The following TNR variants were observed in gnomAD, a reference collection of about 807,000 sequenced individuals.
The protein encoded by TNR is tenascin-R.
In TNR, 45 loss-of-function variants were observed where a neutral mutation model predicts 150.4. That is an observed-to-expected ratio of 0.30 (90% confidence interval 0.24 to 0.38). The LOEUF (loss-of-function observed/expected upper bound fraction) is 0.38. Among genes scored for constraint, TNR ranks in the 10% least tolerant of loss-of-function variants. TNR has a pLI of 1.00. For missense variants in TNR, 1,544 were observed against 1,759.1 expected, an observed-to-expected ratio of 0.88 and a Z score of 2.19; for synonymous variants, 687 against 678.4, an observed-to-expected ratio of 1.01 and a Z score of -0.20.
intron 1 of TNR, among the ~76,000 whole-genome samples, chr1:175,595,800 G>T (rs1433241039): frequency 6.6e-6 from 1 of 152,042 alleles, no homozygotes; most frequent in Non-Finnish European, 1.5e-5. Context: ...TAACAAATAG[G>T]GTTTAATGAA....
intron 1 of TNR, among the ~76,000 whole-genome samples, chr1:175,582,307 T>C (rs1466196075): frequency 6.6e-6 from 1 of 152,230 alleles, no homozygotes; most frequent in East Asian, 1.9e-4. Context: ...GGACTCACTG[T>C]AGTTATTGCT....
At chr1:175,440,818 T>C (rs1418797317) in intron 2 of TNR, among the ~76,000 whole-genome samples, 3 of 152,160 alleles carry the variant, frequency 2.0e-5, no homozygotes, top group African/African-American at 4.8e-5. Context: ...AAGTCATAAA[T>C]GATTTAAGAA....
At chr1:175,366,246 G>T in intron 10 of TNR, 108 bp from the exon 11 acceptor site, 2 of 1,191,782 alleles carry the variant, frequency 1.7e-6, no homozygotes, top group South Asian at 1.8e-5. Context: ...CTGACTATGA[G>T]CACTAGCTTG....
intron 15 of TNR, among the ~76,000 whole-genome samples, chr1:175,359,357 G>C (rs760781149): frequency 2.0e-5 from 3 of 151,750 alleles, no homozygotes; most frequent in Non-Finnish European, 4.4e-5. Context: ...TGTAGGCCAG[G>C]CTGGTCTTGA....
Position 175,438,056 on chromosome 1 carries a change from C to G in TNR, c.-63-31279G>C, listed in dbSNP as rs1380534592. On this transcript the variant is annotated intron_variant, in intron 2 of 22. Transcript: ENST00000367674. ...GGCCAGCATAATCCAGATACCAAAG[C>G]CTGGCAGAGACACAATAAAAAAAGA... Among the ~76,000 whole-genome samples the G allele has an allele frequency of 3.9e-5, 6 of 152,254 alleles. 1 individual carries two copies. The East Asian group carries it at 5.8e-4, about 15-fold the overall frequency.
rs536167772 is a variant in TNR, at chr1:175,680,305, G to A, written c.-165+62921C>T. Among the ~76,000 whole-genome samples the A allele has an allele frequency of 7.2e-5, 11 of 152,272 alleles. No individual in the cohort carries two copies. In the East Asian group the frequency reaches 1.7e-3, roughly 24 times the overall value. On this transcript the variant is annotated intron_variant, in intron 1 of 22. Coordinates refer to ENST00000367674, the MANE Select transcript of TNR (RefSeq NM_003285.3). The stretch of plus-strand genomic sequence containing the variant: ...AGCTGAGAGTCTCAGAAAAGGGAGA[G>A]GGGGCAGGGTGGGCAGGCAGAGACA...
At position 175,370,338 on chromosome 1, in the gene TNR, C is replaced by CTTTT. The variant is rs55795922; in HGVS notation, c.1964-3045_1964-3042dup. Among the ~76,000 whole-genome samples the CTTTT allele has an allele frequency of 3.0e-3, 128 of 42,970 alleles. 22 individuals carry two copies. The highest frequency in any genetic ancestry group is 9.4e-3 in the African/African-American group (111 of 11,804). The allele number at this position is 42,970 out of a possible 152,430, so 28.2% of individuals were successfully genotyped here. Reference sequence around the variant, plus strand: ...GAGAACTATTCCTGGATTTTGAGTACTTTTTTTTTTTTTTTTTTTTTTTTT... The same window carrying CTTTT: ...GAGAACTATTCCTGGATTTTGAGTACTTTTTTTTTTTTTTTTTTTTTTTTTTTTT... On this transcript the variant is annotated intron_variant, in intron 9 of 22. Transcript: ENST00000367674.
intron 8 of TNR, among the ~76,000 whole-genome samples, chr1:175,380,155 A>G (rs1316756392): frequency 6.6e-6 from 1 of 152,220 alleles, no homozygotes; most frequent in Non-Finnish European, 1.5e-5. Context: ...GTTGATTTCA[A>G]GGTTTTGAAG....
rs888657719 is a variant in TNR, at chr1:175,679,536, A to C, written c.-165+63690T>G. Among the ~76,000 whole-genome samples the C allele has an allele frequency of 2.6e-5, 4 of 152,254 alleles. No homozygotes were observed. In the East Asian group the frequency reaches 7.7e-4, roughly 29 times the overall value. On this transcript the variant is annotated intron_variant, in intron 1 of 22. Transcript: ENST00000367674. Reference sequence around the variant, plus strand: ...TGTGTCCACTCTATTATGAGATGCTATCTGCCTAGCCACAAAGATTATATC... The same window carrying C: ...TGTGTCCACTCTATTATGAGATGCTCTCTGCCTAGCCACAAAGATTATATC...
chr1:175,648,022 A>G (rs1249118857), intron 1 of TNR, among the ~76,000 whole-genome samples: 4 of 151,808 alleles, frequency 2.6e-5, no homozygotes, highest in African/African-American at 9.7e-5. Context: ...AGCCCTCTCT[A>G]AAGTTCTCTT....
At chr1:175,650,840 A>T (rs1029068199) in intron 1 of TNR, among the ~76,000 whole-genome samples, 1 of 16,768 alleles carries the variant, frequency 6.0e-5, no homozygotes, top group South Asian at 1.8e-3. Flanking sequence ...CCCCTCCCCC[A>T]CCTCATTACT....
At chr1:175,660,357 G>A (rs1305522337) in intron 1 of TNR, among the ~76,000 whole-genome samples, 1 of 152,202 alleles carries the variant, frequency 6.6e-6, no homozygotes, top group African/African-American at 2.4e-5. Context: ...TCCAGAGGCA[G>A]GCCCTGGGGA....
intron 9 of TNR, among the ~76,000 whole-genome samples, chr1:175,370,961 T>G (rs1372869611): frequency 1.3e-5 from 2 of 152,184 alleles, no homozygotes; most frequent in African/African-American, 4.8e-5. Flanking sequence ...AAAGTGGGAC[T>G]TGCTTATAGG....
chr1:175,714,016 C>A (rs989647645), intron 1 of TNR, among the ~76,000 whole-genome samples: 1 of 151,958 alleles, frequency 6.6e-6, no homozygotes, highest in Non-Finnish European at 1.5e-5. Context: ...TTCCTTTGTG[C>A]CTTCTCTTTG....
intron 9 of TNR, among the ~76,000 whole-genome samples, chr1:175,376,201 C>T (rs1247854754): frequency 6.6e-6 from 1 of 152,162 alleles, no homozygotes; most frequent in Non-Finnish European, 1.5e-5. Flanking sequence ...TTCTAAACCA[C>T]TAGGCCACAT....
chr1:175,567,512 G>C (rs1390586151), intron 1 of TNR, among the ~76,000 whole-genome samples: 2 of 152,170 alleles, frequency 1.3e-5, no homozygotes, highest in Non-Finnish European at 2.9e-5. Context: ...TCAGAGCCAG[G>C]GCAACGAGGA....
At chr1:175,570,755 G>A (rs866264403) in intron 1 of TNR, among the ~76,000 whole-genome samples, 13 of 151,538 alleles carry the variant, frequency 8.6e-5, no homozygotes, top group African/African-American at 2.9e-4. Flanking sequence ...TTTATAAAAG[G>A]AGTCATCAAA....
At chr1:175,508,116 G>A (rs1659031045) in intron 2 of TNR, among the ~76,000 whole-genome samples, 1 of 152,220 alleles carries the variant, frequency 6.6e-6, no homozygotes, top group South Asian at 2.1e-4. Flanking sequence ...GTCGCGGGGT[G>A]GGGGCAAGGG....
intron 1 of TNR, among the ~76,000 whole-genome samples, chr1:175,705,274 A>G (rs6702111): frequency 7.9e-5 from 12 of 152,346 alleles, no homozygotes; most frequent in Non-Finnish European, 1.5e-4. Context: ...GAACTCAGCC[A>G]CTGTAAACCC....
Sources: gnomAD v4.1 joint callset for allele counts (sites outside exome capture counted in the v4.1 genomes callset) on GRCh38, gnomAD v4.1.1 for gene constraint, MANE v1.5 for transcripts, NCBI Gene and HGNC (gene_info 2026-07-23, HGNC 2026-07-21) for gene names.